Variants in CCDC7 observed in about 807,000 individuals in gnomAD.
CCDC7 encodes the protein coiled-coil domain-containing protein 7.
In CCDC7, 183 loss-of-function variants were observed where a neutral mutation model predicts 196.9. The observed-to-expected ratio is 0.93, with a 90% CI of 0.82 to 1.05. CCDC7 has a LOEUF of 1.05. Ranked by LOEUF, CCDC7 falls within the 50% of genes least tolerant of loss-of-function variation. CCDC7 has a pLI of 0.00. For synonymous variants in CCDC7, 525 were observed against 484.6 expected, an observed-to-expected ratio of 1.08 and a Z score of -1.10; for missense variants, 1,540 against 1,482.2, an observed-to-expected ratio of 1.04 and a Z score of -0.64.
chr10:32,764,839 TC>T (rs2078017378), intron 28 of CCDC7, among the ~76,000 whole-genome samples: 1 of 150,152 alleles, frequency 6.7e-6, no homozygotes, highest in African/African-American at 2.5e-5. Context: ...TAATTGGGTC[TC>T]AGAGGCCAAG....
intron 20 of CCDC7, among the ~76,000 whole-genome samples, chr10:32,650,306 C>T (rs1004221883): frequency 7.2e-5 from 11 of 152,162 alleles, no homozygotes; most frequent in African/African-American, 2.7e-4. Context: ...TTTGGGTTGC[C>T]ATACGGTAGA....
At chr10:32,638,030 TTGTC>T (rs1165845320) in intron 20 of CCDC7, among the ~76,000 whole-genome samples, 19 of 152,158 alleles carry the variant, frequency 1.2e-4, no homozygotes, top group African/African-American at 4.3e-4. Flanking sequence ...GGCTCTCTGT[TTGTC>T]TGTTATTGGT....
intron 4 of CCDC7, 81 bp from the exon 6 acceptor site, chr10:32,462,929 AGACACAC>A (rs2036030412): frequency 1.3e-6 from 2 of 1,561,600 alleles, no homozygotes; most frequent in Admixed American, 3.6e-5. Context: ...TCAGAGACAC[AGACACAC>A]ATTTATATAG....
intron 20 of CCDC7, among the ~76,000 whole-genome samples, chr10:32,656,092 A>G (rs542131412): frequency 6.6e-6 from 1 of 152,254 alleles, no homozygotes; most frequent in Non-Finnish European, 1.5e-5. Flanking sequence ...TTGGGGTTGT[A>G]TTAAAAAAAT....
intron 41 of CCDC7, among the ~76,000 whole-genome samples, chr10:32,867,175 G>A (rs1367355272): frequency 6.6e-6 from 1 of 151,534 alleles, no homozygotes; most frequent in Non-Finnish European, 1.5e-5. Flanking sequence ...ACATTATTAT[G>A]ACAAATGCAA....
rs2054297444 is a variant in CCDC7, at chr10:32,556,109, TG to T, written c.1135-9448del. 4.6e-5 allele frequency among the ~76,000 whole-genome samples: 7 copies of T among 152,320 alleles called. No homozygotes were observed. In the South Asian group the frequency reaches 1.5e-3, roughly 32 times the overall value. On this transcript the variant is annotated intron_variant, in intron 13 of 41. Coordinates refer to ENST00000639629, the Ensembl canonical transcript of CCDC7. ...AGTTTCAAGAAGTGAGGAAATAGAT[TG>T]TACCTTTTTATGGGAGCTATTGTGA... is the stretch of plus-strand genomic sequence containing the variant.
At chr10:32,654,845 C>T (rs1203232388) in intron 20 of CCDC7, among the ~76,000 whole-genome samples, 1 of 152,174 alleles carries the variant, frequency 6.6e-6, no homozygotes, top group Non-Finnish European at 1.5e-5. Context: ...TTCCCTGATA[C>T]ATGTTAGAGC....
intron 21 of CCDC7, among the ~76,000 whole-genome samples, chr10:32,671,987 T>G (rs2074149302): frequency 6.6e-6 from 1 of 152,186 alleles, no homozygotes; most frequent in Non-Finnish European, 1.5e-5. Flanking sequence ...GAAGTTTTGC[T>G]GATAAAATCC....
intron 18 of CCDC7, among the ~76,000 whole-genome samples, chr10:32,604,228 T>A (rs1405889763): frequency 2.0e-5 from 3 of 152,166 alleles, no homozygotes; most frequent in African/African-American, 7.2e-5. Context: ...GGCACCTTTG[T>A]AAAAAGTGAG....
Position 32,669,430 on chromosome 10 carries a change from A to AT in CCDC7, c.2122+5276dup, listed in dbSNP as rs200078910. 6.0e-3 allele frequency among the ~76,000 whole-genome samples: 917 copies of AT among 152,128 alleles called. 9 individuals are homozygous for AT. The highest frequency in any genetic ancestry group is 0.021 in the African/African-American group (863 of 41,516). ...GTTTGGAAGTGATCTCTCTTCTTCTATTTTTTTGAAACATTTGAGGGGCAT... is the reference window on the plus strand; with the variant it reads ...GTTTGGAAGTGATCTCTCTTCTTCTATTTTTTTTGAAACATTTGAGGGGCAT... On this transcript the variant is annotated intron_variant, in intron 21 of 41. Coordinates refer to ENST00000639629, the Ensembl canonical transcript of CCDC7.
At chr10:32,629,577 C>A (rs1211020192) in intron 18 of CCDC7, among the ~76,000 whole-genome samples, 1 of 152,068 alleles carries the variant, frequency 6.6e-6, no homozygotes, top group East Asian at 1.9e-4. Context: ...AGGGTGCTCA[C>A]TATTTTGTTC....
rs533860381 is a variant in CCDC7, at chr10:32,674,587, G to A, written c.2122+10426G>A. On this transcript the variant is annotated intron_variant, in intron 21 of 41. Transcript: ENST00000639629. ...TTTTGGATGGAATGTTCTTTAAATG[G>A]CTGTTAGGTCCATTTGGTCTACAGT... Among the ~76,000 whole-genome samples the A allele has an allele frequency of 6.6e-5, 10 of 152,116 alleles. No homozygotes were observed. In the South Asian group the frequency reaches 2.1e-3, roughly 32 times the overall value.
chr10:32,661,754 A>G (rs1565016821), intron 20 of CCDC7, among the ~76,000 whole-genome samples: 1 of 152,180 alleles, frequency 6.6e-6, no homozygotes, highest in African/African-American at 2.4e-5. Context: ...TATCCAAGAT[A>G]CAAGATGAAA....
chr10:32,792,849 C>T (rs1264593457), intron 29 of CCDC7, among the ~76,000 whole-genome samples: 1 of 151,758 alleles, frequency 6.6e-6, no homozygotes, highest in Admixed American at 6.6e-5. Flanking sequence ...GATTTACAAA[C>T]AATAAAGAGA....
Position 32,711,614 on chromosome 10 carries a change from A to G in CCDC7, c.2459-6A>G. 6.4e-7 allele frequency: 1 copy of G among 1,553,788 alleles called. No homozygotes were observed. The highest frequency in any genetic ancestry group is 2.3e-5 in the East Asian group (1 of 43,360). ...AGTAAGGGACTAAATTTCTCTCTTA[A>G]CATAGCTCATGATGAAGAATCAGGT... On this transcript the variant is annotated splice_polypyrimidine_tract_variant and splice_region_variant and intron_variant, in intron 24 of 41. Coordinates refer to ENST00000639629, the Ensembl canonical transcript of CCDC7.
At chr10:32,580,065 G>T (rs1413023227) in intron 16 of CCDC7, among the ~76,000 whole-genome samples, 1 of 152,064 alleles carries the variant, frequency 6.6e-6, no homozygotes, top group Non-Finnish European at 1.5e-5. Context: ...TACCAAGTAG[G>T]GAAGGGAGAT....
chr10:32,540,903 T>C (rs2051297202), intron 11 of CCDC7, among the ~76,000 whole-genome samples: 1 of 152,168 alleles, frequency 6.6e-6, no homozygotes, highest in African/African-American at 2.4e-5. Context: ...TTTCCCGGAT[T>C]TGAATGTTGT....
intron 11 of CCDC7, among the ~76,000 whole-genome samples, chr10:32,538,467 C>T (rs115616200): frequency 0.028 from 4,277 of 152,184 alleles, 218 homozygotes; most frequent in African/African-American, 0.097. Context: ...TATCTGGATG[C>T]CCTTTATTGC....
At chr10:32,823,591 C>T (rs912949407) in intron 31 of CCDC7, among the ~76,000 whole-genome samples, 3 of 152,150 alleles carry the variant, frequency 2.0e-5, no homozygotes, top group Non-Finnish European at 2.9e-5. Flanking sequence ...TCCACTCTGT[C>T]GTTCAGGATC....
Sources: gnomAD v4.1 joint callset for allele counts (sites outside exome capture counted in the v4.1 genomes callset) on GRCh38, gnomAD v4.1.1 for gene constraint, MANE v1.5 for transcripts, NCBI Gene and HGNC (gene_info 2026-07-23, HGNC 2026-07-21) for gene names.